The following ISY1 variants were observed in gnomAD, a reference collection of about 807,000 sequenced individuals.
The protein encoded by ISY1 is pre-mRNA-splicing factor ISY1 homolog.
ISY1 carries 12 observed loss-of-function variants against 54.4 expected under a neutral mutation model. The observed-to-expected ratio is 0.22, with a 90% CI of 0.14 to 0.36. ISY1 has a LOEUF of 0.36. Among genes scored for constraint, ISY1 ranks in the 10% least tolerant of loss-of-function variants. The pLI is 1.00. For synonymous variants in ISY1, 96 were observed against 117.9 expected (o/e 0.81, Z 1.20); for missense variants, 282 against 342.2 (o/e 0.82, Z 1.39).
intron 4 of ISY1, 51 bp downstream of exon 4, chr3:129,156,804 G>C (rs201452150): frequency 4.4e-6 from 7 of 1,592,896 alleles, no homozygotes; most frequent in Non-Finnish European, 6.0e-6. Flanking sequence ...ATAATAAGAA[G>C]AAATGAGAGA....
chr3:129,136,211 C>T (rs1204737954), intron 7 of ISY1, among the ~76,000 whole-genome samples: 1 of 151,644 alleles, frequency 6.6e-6, no homozygotes, highest in African/African-American at 2.4e-5. Context: ...AAGCGATTCT[C>T]CTGCCTCAGC....
chr3:129,130,305 G>C lies in ISY1; in HGVS notation c.751-117C>G, dbSNP rs991015831. ...CCATCAAGGAGTCTGATTTAAATAC[G>C]CAGAATAGTCTCCAAGAGTCCTAAC... On this transcript the variant is annotated intron_variant, in intron 10 of 10. Coordinates refer to ENST00000393295, the MANE Select transcript of ISY1 (RefSeq NM_020701.4). 5.8e-6 allele frequency: 8 copies of C among 1,374,808 alleles called. No individual in the cohort carries two copies. In the East Asian group the frequency reaches 9.9e-5, roughly 17 times the overall value. 85.2% of individuals were successfully genotyped at this position (1,374,808 alleles called of 1,614,324 possible). A position where few individuals can be genotyped will look rare whatever the true frequency, so the allele number is the denominator to read the frequency against.
intron 7 of ISY1, among the ~76,000 whole-genome samples, chr3:129,139,633 G>A (rs1014890786): frequency 7.9e-5 from 12 of 151,192 alleles, no homozygotes; most frequent in African/African-American, 1.9e-4. Context: ...CACAAAAGTA[G>A]CTCCACTTTT....
intron 4 of ISY1, 42 bp downstream of exon 4, chr3:129,156,813 G>A (rs1371663956): frequency 1.3e-6 from 2 of 1,596,840 alleles, no homozygotes; most frequent in African/African-American, 1.4e-5. Context: ...AGAAATGAGA[G>A]ACTTGTTACT....
In ISY1 at chr3:129,158,567, C is replaced by T. The variant is rs372596000; in HGVS notation, c.27-8G>A. 34 of 1,613,852 alleles carry T rather than the reference C, an allele frequency of 2.1e-5. 2 individuals carry two copies. In the Middle Eastern group the frequency reaches 3.8e-3, roughly 180 times the overall value. ...AATCTTGCTAAGGCCGTCCTACCAG[C>T]GATATAAAAGATAAAAGACTCCATT... On this transcript the variant is annotated splice_region_variant and splice_polypyrimidine_tract_variant and intron_variant, in intron 2 of 10. Coordinates refer to ENST00000393295, the MANE Select transcript of ISY1 (RefSeq NM_020701.4).
chr3:129,138,201 CTGGGAGG>C, intron 7 of ISY1, among the ~76,000 whole-genome samples: 1 of 151,466 alleles, frequency 6.6e-6, no homozygotes, highest in East Asian at 2.0e-4. Flanking sequence ...TGGCGTGAAC[CTGGGAGG>C]CAGAGCTTGC....
chr3:129,143,448 G>C (rs1360058995), intron 6 of ISY1, among the ~76,000 whole-genome samples: 1 of 150,656 alleles, frequency 6.6e-6, no homozygotes, highest in Non-Finnish European at 1.5e-5. Flanking sequence ...AGAGGTTGCA[G>C]TGAGCCAAGA....
chr3:129,145,477 C>T (rs1560018669), intron 6 of ISY1, among the ~76,000 whole-genome samples: 1 of 152,172 alleles, frequency 6.6e-6, no homozygotes, highest in African/African-American at 2.4e-5. Flanking sequence ...CCCGCCTCGG[C>T]CTCCCAAAGT....
Position 129,140,463 on chromosome 3 carries a change from T to A in ISY1, c.323A>T (p.Asp108Val), listed in dbSNP as rs748278799. 6.2e-7 allele frequency: 1 copy of A among 1,610,348 alleles called. No homozygotes were observed. The highest frequency in any genetic ancestry group is 1.3e-5 in the African/African-American group (1 of 74,724). ...DYGKVGPKML[D>V]HEGKEVPGNR... is the part of the protein sequence containing the mutation. ...TCCTGGGACTTCTTTTCCTTCATGA[T>A]CCAGCATTTTAGGGCCAACTTTCTT... Residue 108 changes from aspartate to valine, a missense_variant, in exon 7 of 11, where the codon GAT becomes GTT. Asp to Val is a radical substitution (Grantham distance 152). This residue lies in a region of ISY1 where 279 missense variants were observed against 323.6 expected (regional missense o/e 0.86). Transcript: ENST00000393295.
chr3:129,159,154 A>G lies in ISY1; in HGVS notation c.26T>C (p.Met9Thr), dbSNP rs1249339497. 3 of 1,606,722 alleles carry G rather than the reference A, an allele frequency of 1.9e-6. No homozygotes were observed. Among genetic ancestry groups the G allele is most frequent in the South Asian group, 2.3e-5 (2 of 88,236 alleles). Residue 9 changes from methionine to threonine, a missense_variant and splice_region_variant, in exon 2 of 11, where the codon ATG becomes ACG. Met to Thr is a moderately conservative substitution (Grantham distance 81). Around this residue, in one of 2 missense-constraint regions of ISY1, gnomAD observed 3 missense variants for 18.5 expected, o/e 0.16. Transcript: ENST00000393295. ...CAGCCAAAAACAAGTTGATACTTAC[A>G]TGGCCTTTTCTGCATTTCGGGCCTG... MARNAEKA[M>T]TALARFRQAQ... is the part of the protein sequence containing the mutation.
intron 7 of ISY1, among the ~76,000 whole-genome samples, chr3:129,135,272 A>ATCCT (rs2107602036): frequency 6.6e-6 from 1 of 151,928 alleles, no homozygotes; most frequent in South Asian, 2.1e-4. Flanking sequence ...TGAACCTAGG[A>ATCCT]GGCAGAGTTT....
At chr3:129,154,923 C>T (rs1017748891) in intron 5 of ISY1, among the ~76,000 whole-genome samples, 12 of 151,786 alleles carry the variant, frequency 7.9e-5, no homozygotes, top group South Asian at 2.1e-4. Context: ...CTCCTGACCT[C>T]GTCATCCGCC....
chr3:129,132,527 C>T (rs998075087), intron 9 of ISY1, among the ~76,000 whole-genome samples: 1 of 152,180 alleles, frequency 6.6e-6, no homozygotes, highest in Non-Finnish European at 1.5e-5. Flanking sequence ...AGCCCTCTCT[C>T]ATCTCCTCCT....
chr3:129,148,198 C>T (rs1312858028), intron 5 of ISY1, among the ~76,000 whole-genome samples: 1 of 152,084 alleles, frequency 6.6e-6, no homozygotes, highest in African/African-American at 2.4e-5. Flanking sequence ...TATCCATTCA[C>T]CAGAAGGACC....
intron 6 of ISY1, 122 bp downstream of exon 6, chr3:129,145,639 C>G (rs1936745635): frequency 3.4e-6 from 3 of 880,462 alleles, no homozygotes; most frequent in South Asian, 1.7e-5. Context: ...CTTCCAGCAT[C>G]ATCCTACCCA....
At chr3:129,151,884 T>G (rs1936982546) in intron 5 of ISY1, among the ~76,000 whole-genome samples, 1 of 151,342 alleles carries the variant, frequency 6.6e-6, no homozygotes, top group Non-Finnish European at 1.5e-5. Flanking sequence ...CAGGGCCGGG[T>G]GTGGTGGCTC....
chr3:129,134,065 C>G lies in ISY1; in HGVS notation c.663+9G>C. Reference sequence around the variant, plus strand: ...GGCAGTGAGTGCCAGAGGGGGCCAACCCCAATACCTCCTCCTCGGTGACTG... The same window carrying G: ...GGCAGTGAGTGCCAGAGGGGGCCAAGCCCAATACCTCCTCCTCGGTGACTG... On this transcript the variant is annotated intron_variant, in intron 9 of 10. Transcript: ENST00000393295. 2 of 1,613,932 alleles carry G rather than the reference C, an allele frequency of 1.2e-6. No individual in the cohort carries two copies. Among genetic ancestry groups the G allele is most frequent in the Non-Finnish European group, 1.7e-6 (2 of 1,179,968 alleles).
intron 1 of ISY1, among the ~76,000 whole-genome samples, chr3:129,160,049 G>T (rs551843711): frequency 3.8e-4 from 57 of 151,322 alleles, no homozygotes; most frequent in African/African-American, 1.3e-3. Context: ...TCTTTGAGAC[G>T]GAGTCTCGCT....
At chr3:129,149,384 C>T (rs1353106488) in intron 5 of ISY1, among the ~76,000 whole-genome samples, 7 of 135,118 alleles carry the variant, frequency 5.2e-5, no homozygotes, top group African/African-American at 1.1e-4. Context: ...GCTGAGATCA[C>T]GCCACCACAC....
Sources: gnomAD v4.1 joint callset for allele counts (sites outside exome capture counted in the v4.1 genomes callset) on GRCh38, gnomAD v4.1.1 for gene constraint, gnomAD v4.1.1 regional missense constraint, MANE v1.5 for transcripts, NCBI Gene and HGNC (gene_info 2026-07-23, HGNC 2026-07-21) for gene names.